Variants in RARB observed in about 807,000 individuals in gnomAD.
RARB encodes retinoic acid receptor beta, also known as HBV-activated protein.
A neutral mutation model predicts 51.9 loss-of-function variants in RARB; 17 were observed. That is an observed-to-expected ratio of 0.33 (90% CI 0.22 to 0.49). The LOEUF is 0.49. RARB is among the 20% of genes least tolerant of loss of function. The pLI, the probability that RARB is intolerant of heterozygous loss-of-function variation, is 0.99. For synonymous variants in RARB, 215 were observed against 195.4 expected, an observed-to-expected ratio of 1.10 and a Z score of -0.84; for missense variants, 369 against 550.8, an observed-to-expected ratio of 0.67 and a Z score of 3.30.
chr3:25,307,754 C>T (rs1418403977), intron 5 of RARB, among the ~76,000 whole-genome samples: 1 of 152,102 alleles, frequency 6.6e-6, no homozygotes, highest in Admixed American at 6.5e-5. Flanking sequence ...GTGTAGATTT[C>T]TTAGATAAGC....
intron 5 of RARB, among the ~76,000 whole-genome samples, chr3:25,394,699 G>A (rs1205077041): frequency 6.6e-6 from 1 of 152,046 alleles, no homozygotes; most frequent in East Asian, 1.9e-4. Flanking sequence ...AGTCTCTTTT[G>A]TCTGATATAA....
At chr3:25,395,040 T>C (rs771714683) in intron 5 of RARB, among the ~76,000 whole-genome samples, 3 of 152,224 alleles carry the variant, frequency 2.0e-5, no homozygotes, top group Non-Finnish European at 4.4e-5. Flanking sequence ...TTTTGGTGTA[T>C]TTTGAGGTTT....
intron 2 of RARB, among the ~76,000 whole-genome samples, chr3:24,918,860 A>T (rs2125385323): frequency 6.6e-6 from 1 of 152,360 alleles, no homozygotes; most frequent in Non-Finnish European, 1.5e-5. Flanking sequence ...ATTGCACTCC[A>T]GCCTGGGTGA....
rs536983213 is a variant in RARB, at chr3:25,561,870, A to T, written c.449-7888A>T. On this transcript the variant is annotated intron_variant, in intron 3 of 7. Transcript: ENST00000330688. ...ATATACATGACACAGAGCAAGATACAAGCTTATCTGGAACAGTCTGTTGCT... is the reference window on the plus strand; with the variant it reads ...ATATACATGACACAGAGCAAGATACTAGCTTATCTGGAACAGTCTGTTGCT... 2.6e-5 allele frequency among the ~76,000 whole-genome samples: 4 copies of T among 152,308 alleles called. No homozygotes were observed. In the East Asian group the frequency reaches 7.7e-4, roughly 29 times the overall value.
intron 5 of RARB, among the ~76,000 whole-genome samples, chr3:25,210,368 C>G (rs887472850): frequency 2.0e-5 from 3 of 151,872 alleles, no homozygotes; most frequent in African/African-American, 4.8e-5. Flanking sequence ...TGACCACAGG[C>G]CAAATCCATT....
At chr3:24,832,986 T>C (rs113683330) in intron 1 of RARB, 6 of 152,186 alleles carry the variant, frequency 3.9e-5, no homozygotes, top group African/African-American at 1.4e-4. Flanking sequence ...TCATTTCTTT[T>C]CTCCGTGTCA....
intron 2 of RARB, among the ~76,000 whole-genome samples, chr3:24,901,002 A>C (rs1191216549): frequency 1.8e-4 from 28 of 152,200 alleles, no homozygotes; most frequent in Admixed American, 1.8e-3. Flanking sequence ...AGGACTTAAA[A>C]TATGTTAGAG....
rs887216952 is a variant in RARB, at chr3:24,941,590, G to A, written c.-380+82838G>A. On this transcript the variant is annotated intron_variant, in intron 2 of 11. Transcript: ENST00000383772. ...TCCCCACGTTGGCCAGGTTGGTCTC[G>A]AACTCCTTACCTTGTGATCCGCCCA... is the stretch of plus-strand genomic sequence containing the variant. 8.6e-5 allele frequency among the ~76,000 whole-genome samples: 13 copies of A among 151,994 alleles called. 1 individual carries two copies. Among genetic ancestry groups the A allele is most frequent in the Non-Finnish European group, 8.8e-5 (6 of 68,012 alleles).
intron 5 of RARB, among the ~76,000 whole-genome samples, chr3:25,586,806 G>C (rs578067694): frequency 6.6e-6 from 1 of 152,354 alleles, no homozygotes; most frequent in Admixed American, 6.5e-5. Context: ...AAGAGCCCAG[G>C]CTGGTGGGGA....
intron 2 of RARB, among the ~76,000 whole-genome samples, chr3:24,930,604 G>C (rs538635641): frequency 1.3e-5 from 2 of 152,056 alleles, no homozygotes; most frequent in African/African-American, 4.8e-5. Context: ...ATACATGCTT[G>C]TCTATCAAAC....
At chr3:24,952,574 C>A (rs143590004) in intron 2 of RARB, among the ~76,000 whole-genome samples, 2 of 152,134 alleles carry the variant, frequency 1.3e-5, no homozygotes, top group Non-Finnish European at 2.9e-5. Flanking sequence ...AAGGAAAAGA[C>A]CACATGGGCT....
intron 1 of RARB, among the ~76,000 whole-genome samples, chr3:24,835,329 A>C (rs1702330633): frequency 6.6e-6 from 1 of 152,150 alleles, no homozygotes; most frequent in Non-Finnish European, 1.5e-5. Flanking sequence ...CCCTTTTCCA[A>C]TACTGTTGTT....
chr3:24,876,599 T>C (rs1038986643), intron 2 of RARB, among the ~76,000 whole-genome samples: 5 of 152,154 alleles, frequency 3.3e-5, no homozygotes, highest in Admixed American at 2.0e-4. Context: ...TCTAGAAATA[T>C]GTCTTGATCT....
At chr3:24,906,387 G>C (rs898838127) in intron 2 of RARB, among the ~76,000 whole-genome samples, 3 of 152,122 alleles carry the variant, frequency 2.0e-5, no homozygotes, top group African/African-American at 7.2e-5. Flanking sequence ...TTTTGGCTTA[G>C]GCAAAATTTG....
At chr3:25,246,572 G>C (rs564610933) in intron 5 of RARB, among the ~76,000 whole-genome samples, 1 of 152,164 alleles carries the variant, frequency 6.6e-6, no homozygotes, top group East Asian at 1.9e-4. Flanking sequence ...CTATCAGTCA[G>C]GCCCCTTTTC....
intron 5 of RARB, among the ~76,000 whole-genome samples, chr3:25,358,101 C>T (rs1043129096): frequency 3.3e-5 from 5 of 151,430 alleles, no homozygotes; most frequent in Admixed American, 3.3e-4. Flanking sequence ...ATTGATTCTT[C>T]CTATCCATGA....
At chr3:24,858,147 G>T (rs183745719) in intron 1 of RARB, among the ~76,000 whole-genome samples, 246 of 152,254 alleles carry the variant, frequency 1.6e-3, no homozygotes, top group African/African-American at 5.8e-3. Flanking sequence ...TGCTGACGTA[G>T]TAATTGGAGG....
chr3:25,265,840 G>A (rs34537630), intron 5 of RARB, among the ~76,000 whole-genome samples: 2 of 152,052 alleles, frequency 1.3e-5, no homozygotes, highest in African/African-American at 4.8e-5. Context: ...TAAAATGAAG[G>A]TGTCAGCAGG....
intron 2 of RARB, among the ~76,000 whole-genome samples, chr3:25,496,178 G>A (rs1286647): frequency 0.24 from 36,737 of 152,138 alleles, 4,910 homozygotes; most frequent in East Asian, 0.37. Context: ...TTGACTAACA[G>A]TTGTTAGTCA....
Sources: allele counts gnomAD v4.1 joint callset (sites outside exome capture counted in the v4.1 genomes callset), GRCh38; gene constraint gnomAD v4.1.1; transcripts MANE v1.5; gene names NCBI Gene and HGNC (gene_info 2026-07-23, HGNC 2026-07-21).